DPP6: variants seen among roughly 807,000 people sequenced by gnomAD.
The protein encoded by DPP6 is dipeptidyl peptidase like 6.
A neutral mutation model predicts 122.6 loss-of-function variants in DPP6; 69 were observed. The ratio of observed to expected loss-of-function variants is 0.56; its 90% CI spans 0.46 to 0.69. The LOEUF (loss-of-function observed/expected upper bound fraction) is 0.69. DPP6 is among the 30% of genes least tolerant of loss of function. The pLI is 0.00. For missense variants in DPP6, 928 were observed against 1,116.9 expected, an observed-to-expected ratio of 0.83 and a Z score of 2.41; for synonymous variants, 418 against 433.1, an observed-to-expected ratio of 0.97 and a Z score of 0.43.
chr7:154,407,566 T>G (rs1459469246), intron 1 of DPP6, among the ~76,000 whole-genome samples: 1 of 152,206 alleles, frequency 6.6e-6, no homozygotes, highest in Admixed American at 6.5e-5. Context: ...CCTTGGATCA[T>G]GAAAGATGTG....
chr7:154,027,946 T>C (rs118142861), intron 1 of DPP6, among the ~76,000 whole-genome samples: 2,388 of 151,028 alleles, frequency 0.016, 80 homozygotes, highest in Middle Eastern at 0.045. Flanking sequence ...GGTGGCTGCC[T>C]GCCTGCCAGC....
At chr7:154,377,707 T>G (rs1311593098) in intron 1 of DPP6, among the ~76,000 whole-genome samples, 3 of 151,562 alleles carry the variant, frequency 2.0e-5, no homozygotes, top group African/African-American at 7.3e-5. Context: ...GATTGTAAGT[T>G]TCCTGAGGCC....
chr7:154,242,419 T>A (rs1446705598), intron 1 of DPP6, among the ~76,000 whole-genome samples: 2 of 152,178 alleles, frequency 1.3e-5, no homozygotes, highest in African/African-American at 4.8e-5. Flanking sequence ...AGTATATATA[T>A]ATTCCCATAG....
At chr7:154,234,547 G>C (rs1585697302) in intron 1 of DPP6, among the ~76,000 whole-genome samples, 1 of 152,038 alleles carries the variant, frequency 6.6e-6, no homozygotes, top group Non-Finnish European at 1.5e-5. Flanking sequence ...CTTTGGACTT[G>C]AGGGGCTTAG....
intron 1 of DPP6, among the ~76,000 whole-genome samples, chr7:153,956,672 G>A (rs1050106831): frequency 1.3e-5 from 2 of 152,122 alleles, no homozygotes; most frequent in African/African-American, 2.4e-5. Context: ...AGTCTTTTGC[G>A]AGTCTTTCTT....
At chr7:153,964,508 T>G (rs1795536467) in intron 1 of DPP6, among the ~76,000 whole-genome samples, 1 of 152,122 alleles carries the variant, frequency 6.6e-6, no homozygotes. Context: ...GGGATGCCAG[T>G]GTTTCCACCC....
At chr7:153,798,414 G>A in the DPP6 span, among the ~76,000 whole-genome samples, 1 of 152,174 alleles carries the variant, frequency 6.6e-6, no homozygotes, top group East Asian at 1.9e-4. Context: ...TTGTCCCACT[G>A]CCCAGTCCTC....
chr7:154,746,734 A>G (rs1439929692), intron 8 of DPP6, among the ~76,000 whole-genome samples: 1 of 152,180 alleles, frequency 6.6e-6, no homozygotes, highest in East Asian at 1.9e-4. Flanking sequence ...GCTGCTTTTC[A>G]CTATAAAAAG....
chr7:154,201,858 G>C lies in DPP6; in HGVS notation c.243+148795G>C, dbSNP rs76203004. On this transcript the variant is annotated intron_variant, in intron 1 of 25. Transcript: ENST00000377770. ...CCTGAAACCATCACTTAAGCACTCT[G>C]AGATCTTGATCCAATTACCTAAACT... Among the ~76,000 whole-genome samples the C allele has an allele frequency of 8.5e-3, 1,297 of 152,312 alleles. 16 individuals are homozygous for C. Among genetic ancestry groups the C allele is most frequent in the African/African-American group, 0.029 (1,224 of 41,560 alleles).
At chr7:154,500,571 T>C (rs1238118726) in intron 3 of DPP6, among the ~76,000 whole-genome samples, 1 of 152,108 alleles carries the variant, frequency 6.6e-6, no homozygotes, top group African/African-American at 2.4e-5. Flanking sequence ...ATCTGATGGT[T>C]TTAAAAAGGG....
At position 154,892,784 on chromosome 7, in the gene DPP6, G is replaced by A. The variant is rs764131463; in HGVS notation, c.*304G>A. 1 of 611,824 alleles carries A rather than the reference G, an allele frequency of 1.6e-6. No individual in the cohort carries two copies. The highest frequency in any genetic ancestry group is 3.1e-6 in the Non-Finnish European group (1 of 323,816). 37.9% of individuals were successfully genotyped at this position (611,824 alleles called of 1,614,324 possible). The stretch of plus-strand genomic sequence containing the variant: ...AGGAACAGAGCAAAGGATGGTGGCC[G>A]CAGGCCCCACGCGAGCCCACAGGAC... On this transcript the variant is annotated 3_prime_UTR_variant, in exon 26 of 26. Coordinates refer to ENST00000377770, the MANE Select transcript of DPP6 (RefSeq NM_130797.4).
chr7:154,001,656 G>A, intron 1 of DPP6, among the ~76,000 whole-genome samples: 1 of 152,008 alleles, frequency 6.6e-6, no homozygotes, highest in South Asian at 2.1e-4. Flanking sequence ...AACCTCCAAG[G>A]CCTTTACCTC....
chr7:153,933,927 C>T (rs781507691), intron 1 of DPP6, among the ~76,000 whole-genome samples: 10 of 152,170 alleles, frequency 6.6e-5, no homozygotes, highest in South Asian at 2.1e-4. Flanking sequence ...TATCGTGGAT[C>T]GCGTGGGAAC....
intron 1 of DPP6, among the ~76,000 whole-genome samples, chr7:154,311,095 T>C (rs901854148): frequency 2.0e-5 from 3 of 152,166 alleles, no homozygotes; most frequent in Non-Finnish European, 4.4e-5. Flanking sequence ...GTAGGGGGTG[T>C]ATCATCTTGT....
chr7:154,214,506 G>A (rs1225739885), intron 1 of DPP6, among the ~76,000 whole-genome samples: 3 of 152,170 alleles, frequency 2.0e-5, no homozygotes, highest in African/African-American at 4.8e-5. Context: ...GGCACACTTG[G>A]GTTCAAAGAG....
chr7:154,081,274 C>G (rs867302014), intron 1 of DPP6, among the ~76,000 whole-genome samples: 1 of 149,728 alleles, frequency 6.7e-6, no homozygotes, highest in African/African-American at 2.4e-5. Context: ...CATTGTGCCT[C>G]TCTTTCCTAT....
At chr7:154,101,125 G>A (rs1585378457) in intron 1 of DPP6, among the ~76,000 whole-genome samples, 3 of 137,720 alleles carry the variant, frequency 2.2e-5, no homozygotes, top group African/African-American at 7.5e-5. Context: ...CAACCTGAAT[G>A]CCATGTGGTG....
intron 1 of DPP6, among the ~76,000 whole-genome samples, chr7:154,302,529 G>A (rs1384009025): frequency 2.0e-5 from 3 of 152,188 alleles, no homozygotes; most frequent in East Asian, 1.9e-4. Flanking sequence ...ATGACAGATG[G>A]GTGAATGGCA....
At chr7:154,817,031 G>A (rs115154046) in intron 16 of DPP6, among the ~76,000 whole-genome samples, 1,608 of 152,260 alleles carry the variant, frequency 0.011, 23 homozygotes, top group African/African-American at 0.036. Flanking sequence ...TCCCCTCCAT[G>A]CCTTCAGGTG....
Sources: allele counts gnomAD v4.1 joint callset (sites outside exome capture counted in the v4.1 genomes callset), GRCh38; gene constraint gnomAD v4.1.1; transcripts MANE v1.5; gene names NCBI Gene and HGNC (gene_info 2026-07-23, HGNC 2026-07-21).